Variants in GABRA2 observed in about 807,000 individuals in gnomAD.
GABRA2 encodes gamma-aminobutyric acid receptor subunit alpha-2.
Under a neutral mutation model 48.7 loss-of-function variants are expected in GABRA2, and 16 were observed. The ratio of observed to expected loss-of-function variants is 0.33; its 90% CI spans 0.22 to 0.50. GABRA2 has a LOEUF of 0.50. Among genes scored for constraint, GABRA2 ranks in the 20% least tolerant of loss-of-function variants. GABRA2 has a pLI of 0.98. For missense variants in GABRA2, 275 were observed against 535.6 expected (o/e 0.51, Z 4.80); for synonymous variants, 185 against 184.5 (o/e 1.00, Z -0.02).
intron 8 of GABRA2, among the ~76,000 whole-genome samples, chr4:46,300,562 A>T (rs1725563636): frequency 6.6e-6 from 1 of 151,980 alleles, no homozygotes; most frequent in African/African-American, 2.4e-5. Context: ...TCTTCTATTC[A>T]TCTGTGTTCC....
At chr4:46,332,511 G>T in intron 4 of GABRA2, 104 bp downstream of exon 4, 1 of 686,226 alleles carries the variant, frequency 1.5e-6, no homozygotes, top group South Asian at 1.8e-5. Flanking sequence ...AAATAGACAT[G>T]AGACATATAC....
intron 4 of GABRA2, among the ~76,000 whole-genome samples, chr4:46,322,573 C>G (rs1421036827): frequency 1.3e-5 from 2 of 152,008 alleles, no homozygotes; most frequent in African/African-American, 4.8e-5. Flanking sequence ...CTCTGTTGAT[C>G]AGTCTTCTCT....
chr4:46,254,369 A>T (rs937652120), intron 9 of GABRA2, among the ~76,000 whole-genome samples: 10 of 151,658 alleles, frequency 6.6e-5, no homozygotes, highest in Middle Eastern at 3.4e-3. Context: ...AATGATTAAA[A>T]ACAGTACTCA....
At chr4:46,330,853 T>G (rs1578076360) in intron 4 of GABRA2, among the ~76,000 whole-genome samples, 1 of 152,080 alleles carries the variant, frequency 6.6e-6, no homozygotes, top group Admixed American at 6.6e-5. Flanking sequence ...ATTCTGACTC[T>G]ACTTGATTTT....
In GABRA2 at chr4:46,310,248, C is replaced by T; in HGVS notation, c.484G>A (p.Val162Ile). 2.5e-6 allele frequency: 4 copies of T among 1,613,332 alleles called. No individual in the cohort carries two copies. Among genetic ancestry groups the T allele is most frequent in the Non-Finnish European group, 3.4e-6 (4 of 1,179,448 alleles). ...AAGTGCATTGGGCATTCAGCTTGAA[C>T]TGTAAGCCTAAAAGTCAAAATTTCA... Reference protein sequence around the residue: ...GTLLYTMRLTVQAECPMHLED... With the variant: ...GTLLYTMRLTIQAECPMHLED... The change falls in exon 6 of 10, where the codon GTT (valine) becomes ATT (isoleucine). Residue 162 changes from valine (V) to isoleucine (I), a missense_variant. By Grantham distance (29) the Val-to-Ile change is conservative (BLOSUM62 3). This residue lies in a region of GABRA2 where 113 missense variants were observed against 257.1 expected (regional missense o/e 0.44). Coordinates refer to ENST00000381620, the MANE Select transcript of GABRA2 (RefSeq NM_000807.4).
At chr4:46,351,639 G>T (rs1365896628) in intron 3 of GABRA2, among the ~76,000 whole-genome samples, 1 of 151,848 alleles carries the variant, frequency 6.6e-6, no homozygotes, top group East Asian at 1.9e-4. Flanking sequence ...TAACATTGAA[G>T]ACATAGATAA....
intron 8 of GABRA2, among the ~76,000 whole-genome samples, chr4:46,297,165 T>C (rs1560493385): frequency 6.6e-6 from 1 of 152,056 alleles, no homozygotes; most frequent in East Asian, 1.9e-4. Context: ...CGTTAGGGTG[T>C]TGCCAAAGGA....
Position 46,312,480 on chromosome 4 carries a change from A to C in GABRA2, c.476+16T>G, listed in dbSNP as rs1727816190. Reference sequence around the variant, plus strand: ...TCTCAGTATATAAATACATCACATCAAACCTAAAAACATACCTCATGGTAT... The same window carrying C: ...TCTCAGTATATAAATACATCACATCCAACCTAAAAACATACCTCATGGTAT... On this transcript the variant is annotated intron_variant, in intron 5 of 9. Transcript: ENST00000381620. 2 of 1,558,794 alleles carry C rather than the reference A, an allele frequency of 1.3e-6. No individual in the cohort carries two copies. The highest frequency in any genetic ancestry group is 2.7e-5 in the African/African-American group (2 of 73,570).
intron 9 of GABRA2, chr4:46,261,051 T>A (rs1383686437): frequency 6.6e-6 from 1 of 151,864 alleles, no homozygotes; most frequent in East Asian, 1.9e-4. Context: ...GTTAAAGATA[T>A]CCTCTGAATA....
intron 6 of GABRA2, among the ~76,000 whole-genome samples, chr4:46,309,071 C>G (rs1577996393): frequency 6.6e-6 from 1 of 151,958 alleles, no homozygotes; most frequent in East Asian, 1.9e-4. Context: ...GGAAGAAATG[C>G]CAATACTGAA....
chr4:46,267,932 A>G (rs959266462), intron 8 of GABRA2, among the ~76,000 whole-genome samples: 5 of 152,088 alleles, frequency 3.3e-5, no homozygotes, highest in African/African-American at 1.2e-4. Flanking sequence ...CAGATTATGG[A>G]TGCTGAACCA....
At chr4:46,333,092 G>A (rs1731649870) in intron 3 of GABRA2, among the ~76,000 whole-genome samples, 1 of 152,072 alleles carries the variant, frequency 6.6e-6, no homozygotes, top group African/African-American at 2.4e-5. Flanking sequence ...TCTCGTGATA[G>A]TAGAGACTCA....
chr4:46,347,962 G>T (rs890164210), intron 3 of GABRA2, among the ~76,000 whole-genome samples: 6 of 151,906 alleles, frequency 3.9e-5, no homozygotes, highest in African/African-American at 1.5e-4. Context: ...CATAGTAAAA[G>T]AAACTACCAT....
At chr4:46,285,228 A>G (rs1722324487) in intron 8 of GABRA2, among the ~76,000 whole-genome samples, 1 of 152,098 alleles carries the variant, frequency 6.6e-6, no homozygotes, top group Admixed American at 6.5e-5. Flanking sequence ...CTCATAGAAT[A>G]CTTTTATCAC....
intron 8 of GABRA2, among the ~76,000 whole-genome samples, chr4:46,302,043 T>C (rs1033954792): frequency 2.0e-5 from 3 of 152,056 alleles, no homozygotes; most frequent in African/African-American, 7.2e-5. Context: ...ACTCATGGAA[T>C]GAATAATATA....
chr4:46,296,659 AAAAAAAAAG>A (rs1310640070), intron 8 of GABRA2, among the ~76,000 whole-genome samples: 6 of 150,082 alleles, frequency 4.0e-5, no homozygotes, highest in African/African-American at 9.9e-5. Flanking sequence ...TCAGGGGGAA[AAAAAAAAAG>A]AAAAAAAAAA....
chr4:46,373,174 T>A (rs1560596387), intron 3 of GABRA2, among the ~76,000 whole-genome samples: 1 of 152,212 alleles, frequency 6.6e-6, no homozygotes, highest in Non-Finnish European at 1.5e-5. Context: ...AACATCTGTG[T>A]AACAAGCATC....
intron 8 of GABRA2, among the ~76,000 whole-genome samples, chr4:46,265,385 A>AAT (rs201380084): frequency 0.11 from 13,523 of 123,034 alleles, 2,522 homozygotes; most frequent in African/African-American, 0.4. Flanking sequence ...GTGTGTACAC[A>AAT]ATATATATAT....
intron 8 of GABRA2, among the ~76,000 whole-genome samples, chr4:46,278,996 A>G (rs187739747): frequency 1.3e-3 from 193 of 151,708 alleles, no homozygotes; most frequent in Non-Finnish European, 2.4e-3. Flanking sequence ...ATTTGGTTTT[A>G]TATTATATAC....
Sources: gnomAD v4.1 joint callset for allele counts (sites outside exome capture counted in the v4.1 genomes callset) on GRCh38, gnomAD v4.1.1 for gene constraint, gnomAD v4.1.1 regional missense constraint, MANE v1.5 for transcripts, NCBI Gene and HGNC (gene_info 2026-07-23, HGNC 2026-07-21) for gene names.